MACROD2: variants seen among roughly 807,000 people sequenced by gnomAD.
MACROD2 encodes the protein ADP-ribose glycohydrolase MACROD2.
MACROD2 carries 36 observed loss-of-function variants against 70.4 expected under a neutral mutation model. That is an observed-to-expected ratio of 0.51 (90% CI 0.39 to 0.68). The LOEUF (loss-of-function observed/expected upper bound fraction) is 0.68, where lower values mean the gene tolerates loss of function less well. MACROD2 is among the 30% of genes least tolerant of loss of function. MACROD2 has a pLI of 0.00. For missense variants in MACROD2, 496 were observed against 538.4 expected (o/e 0.92, Z 0.78); for synonymous variants, 172 against 178.8 (o/e 0.96, Z 0.30).
intron 8 of MACROD2, among the ~76,000 whole-genome samples, chr20:15,560,719 C>T (rs1445622914): frequency 7.4e-6 from 1 of 134,256 alleles, no homozygotes; most frequent in East Asian, 2.2e-4. Context: ...GACTAGATTG[C>T]ACCACTGCAC....
intron 10 of MACROD2, among the ~76,000 whole-genome samples, chr20:15,921,051 G>C (rs1020858517): frequency 6.6e-6 from 1 of 152,044 alleles, no homozygotes; most frequent in African/African-American, 2.4e-5. Flanking sequence ...TTTCAAGTGG[G>C]TCTTTCATGC....
intron 4 of MACROD2, among the ~76,000 whole-genome samples, chr20:14,517,575 A>G (rs926391510): frequency 1.3e-5 from 2 of 152,130 alleles, no homozygotes; most frequent in African/African-American, 4.8e-5. Flanking sequence ...ATTAGGAGAA[A>G]TACCTAATGT....
intron 10 of MACROD2, among the ~76,000 whole-genome samples, chr20:15,913,326 G>A (rs1205170009): frequency 1.3e-5 from 2 of 152,034 alleles, no homozygotes; most frequent in African/African-American, 4.8e-5. Context: ...AGTTTTGCTA[G>A]TTTCCCAGAA....
At chr20:14,431,244 A>G (rs148971859) in intron 3 of MACROD2, among the ~76,000 whole-genome samples, 7 of 152,256 alleles carry the variant, frequency 4.6e-5, no homozygotes, top group Middle Eastern at 3.4e-3. Flanking sequence ...TTGTGTATGC[A>G]AGGAGGCATA....
chr20:14,723,845 C>T (rs117585338), intron 5 of MACROD2, among the ~76,000 whole-genome samples: 1,745 of 152,146 alleles, frequency 0.011, 25 homozygotes, highest in Middle Eastern at 0.034. Flanking sequence ...AGAAACCTTA[C>T]TGAACATGAC....
intron 8 of MACROD2, among the ~76,000 whole-genome samples, chr20:15,649,708 A>G (rs1388703657): frequency 1.3e-5 from 2 of 152,132 alleles, no homozygotes; most frequent in African/African-American, 4.8e-5. Flanking sequence ...GGCTTAGACA[A>G]ATTAGGGTCT....
intron 6 of MACROD2, among the ~76,000 whole-genome samples, chr20:15,249,861 C>T (rs866599288): frequency 1.3e-5 from 2 of 152,216 alleles, no homozygotes; most frequent in South Asian, 4.1e-4. Flanking sequence ...AACAGGACCA[C>T]CATCCCATTA....
At chr20:15,478,873 A>G (rs114092917) in intron 7 of MACROD2, among the ~76,000 whole-genome samples, 136 of 152,282 alleles carry the variant, frequency 8.9e-4, no homozygotes, top group African/African-American at 3.2e-3. Context: ...CACAAATGCA[A>G]GTTGTCACCA....
chr20:15,047,300 A>G (rs2075402456), intron 5 of MACROD2, among the ~76,000 whole-genome samples: 1 of 152,174 alleles, frequency 6.6e-6, no homozygotes, highest in Non-Finnish European at 1.5e-5. Flanking sequence ...CCTTCTGTTA[A>G]TATTCTGTAC....
intron 5 of MACROD2, among the ~76,000 whole-genome samples, chr20:14,946,740 A>G (rs1485937717): frequency 3.3e-5 from 5 of 152,202 alleles, no homozygotes; most frequent in African/African-American, 4.8e-5. Flanking sequence ...GGTGCTTCCT[A>G]GTGGCAGGCA....
At chr20:14,178,338 C>T (rs558698388) in intron 3 of MACROD2, among the ~76,000 whole-genome samples, 1 of 151,838 alleles carries the variant, frequency 6.6e-6, no homozygotes, top group African/African-American at 2.4e-5. Flanking sequence ...CATAATGTAC[C>T]AATTAAAAAA....
intron 8 of MACROD2, among the ~76,000 whole-genome samples, chr20:15,769,973 C>A (rs1396087710): frequency 6.6e-6 from 1 of 151,762 alleles, no homozygotes; most frequent in Non-Finnish European, 1.5e-5. Flanking sequence ...GACACACATG[C>A]ATGTGTGTGA....
At chr20:15,544,477 C>T (rs1203064116) in intron 8 of MACROD2, among the ~76,000 whole-genome samples, 1 of 152,136 alleles carries the variant, frequency 6.6e-6, no homozygotes, top group East Asian at 1.9e-4. Context: ...ATGTGCAAGA[C>T]TAATTTGTTT....
chr20:14,989,044 T>A (rs189320815), intron 5 of MACROD2, among the ~76,000 whole-genome samples: 4 of 152,294 alleles, frequency 2.6e-5, no homozygotes, highest in Admixed American at 2.6e-4. Flanking sequence ...TAAAAAGTAT[T>A]CTGTGAATAC....
intron 3 of MACROD2, among the ~76,000 whole-genome samples, chr20:14,099,847 A>G (rs1168492201): frequency 2.0e-5 from 3 of 152,178 alleles, no homozygotes; most frequent in Non-Finnish European, 4.4e-5. Flanking sequence ...AAAATAGTGC[A>G]TAAATTAGGT....
chr20:14,890,329 C>T (rs2073738264), intron 5 of MACROD2, among the ~76,000 whole-genome samples: 1 of 151,892 alleles, frequency 6.6e-6, no homozygotes, highest in African/African-American at 2.4e-5. Context: ...GGTCCATTCC[C>T]CCAGTAAGAG....
At chr20:14,198,284 C>T (rs1203664843) in intron 3 of MACROD2, among the ~76,000 whole-genome samples, 1 of 152,128 alleles carries the variant, frequency 6.6e-6, no homozygotes, top group Non-Finnish European at 1.5e-5. Context: ...TAATAGTTTA[C>T]TGACTTTTCT....
At chr20:14,717,513 A>G (rs1412245739) in intron 5 of MACROD2, among the ~76,000 whole-genome samples, 5 of 151,484 alleles carry the variant, frequency 3.3e-5, no homozygotes, top group Admixed American at 2.0e-4. Context: ...GCAGACTGCC[A>G]TACTGAATAC....
At chr20:16,007,567 A>G (rs1175358203) in intron 15 of MACROD2, among the ~76,000 whole-genome samples, 1 of 152,232 alleles carries the variant, frequency 6.6e-6, no homozygotes, top group Non-Finnish European at 1.5e-5. Flanking sequence ...CCATTTTTCA[A>G]ATAACTGATG....
Sources: allele counts gnomAD v4.1 joint callset (sites outside exome capture counted in the v4.1 genomes callset), GRCh38; gene constraint gnomAD v4.1.1; transcripts MANE v1.5; gene names NCBI Gene and HGNC (gene_info 2026-07-23, HGNC 2026-07-21).